The following NFIB variants were observed in gnomAD, a reference collection of about 807,000 sequenced individuals.
NFIB encodes nuclear factor I B, also known as nuclear factor 1 B-type.
NFIB carries 11 observed loss-of-function variants against 61.5 expected under a neutral mutation model. The ratio of observed to expected loss-of-function variants is 0.18; its 90% confidence interval spans 0.11 to 0.30. The LOEUF is 0.30. Ranked by LOEUF, NFIB falls within the 10% of genes least tolerant of loss-of-function variation. The probability of loss-of-function intolerance (pLI) is 1.00; values close to 1 mark genes in which losing one functional copy is unlikely to be tolerated. For synonymous variants in NFIB, 260 were observed against 216.5 expected (o/e 1.20, Z -1.76); for missense variants, 471 against 608.9 (o/e 0.77, Z 2.38).
intron 10 of NFIB, chr9:14,094,583 A>G (rs2034492252): frequency 6.6e-6 from 1 of 152,460 alleles, no homozygotes; most frequent in African/African-American, 2.4e-5. Context: ...GATGATTCCT[A>G]ATGATTATTA....
In NFIB at chr9:14,120,545, G is replaced by T; in HGVS notation, c.1140C>A (p.Ser380Arg). The change falls in exon 8 of 11, where the codon AGC becomes AGA. Residue 380 changes from serine (S) to arginine (R), a missense_variant. Around this residue, in one of 2 missense-constraint regions of NFIB, gnomAD observed 372 missense variants for 395.6 expected, o/e 0.94. Transcript: ENST00000380953. The surrounding 1 kb of genome is among the most constrained non-coding windows in gnomAD (Gnocchi z 4.4). ...TQAILPPAPS[S>R]YFSHPTIRYP... ...ATCTGATTGTTGGATGAGAAAAGTA[G>T]CTCGATGGGGCTGGAGGAAGGATAG... 6.2e-7 allele frequency: 1 copy of T among 1,614,092 alleles called. No homozygotes were observed. The highest frequency in any genetic ancestry group is 8.5e-7 in the Non-Finnish European group (1 of 1,179,996).
chr9:14,420,952 A>T, the NFIB span, among the ~76,000 whole-genome samples: 3 of 148,296 alleles, frequency 2.0e-5, no homozygotes, highest in African/African-American at 2.5e-5. Context: ...AGAGTAAGCC[A>T]TTTTTTTTTT....
intron 2 of NFIB, among the ~76,000 whole-genome samples, chr9:14,265,693 C>A (rs967947044): frequency 2.0e-5 from 3 of 152,290 alleles, no homozygotes; most frequent in Non-Finnish European, 2.9e-5. Flanking sequence ...CATTCCTCTC[C>A]CTTCTAGGAT....
At chr9:14,233,275 T>C (rs1038220521) in intron 2 of NFIB, among the ~76,000 whole-genome samples, 4 of 152,120 alleles carry the variant, frequency 2.6e-5, no homozygotes, top group African/African-American at 7.2e-5. Context: ...TATCCCTTCA[T>C]GAGAAACTGG....
chr9:14,459,122 C>CTGTTTTG, the NFIB span, among the ~76,000 whole-genome samples: 6,500 of 152,094 alleles, frequency 0.043, 193 homozygotes, highest in South Asian at 0.14. Context: ...AACTATACTA[C>CTGTTTTG]AAGGTTACAG....
At chr9:14,435,704 A>G in the NFIB span, among the ~76,000 whole-genome samples, 2 of 152,244 alleles carry the variant, frequency 1.3e-5, no homozygotes, top group African/African-American at 2.4e-5. Flanking sequence ...GTCACTCTAA[A>G]ACAAAATGTG....
chr9:14,204,207 T>G (rs1489524191), intron 2 of NFIB: 2 of 536,182 alleles, frequency 3.7e-6, no homozygotes, highest in African/African-American at 1.9e-5. Context: ...GCCTCAAAAT[T>G]TGAGGAATGA....
chr9:14,102,445 A>G (rs2035920397), intron 10 of NFIB: 1 of 1,550,248 alleles, frequency 6.5e-7, no homozygotes, highest in Non-Finnish European at 8.7e-7. Context: ...TTCCCAATGT[A>G]TCCTCACTGG....
intron 2 of NFIB, among the ~76,000 whole-genome samples, chr9:14,225,249 AAAAAAATATAT>A (rs1341460977): frequency 1.3e-5 from 2 of 151,926 alleles, no homozygotes; most frequent in Non-Finnish European, 2.9e-5. Context: ...AGAATGCTAT[AAAAAAATATAT>A]AAATCCCATT....
At chr9:14,106,682 T>G (rs915146998) in intron 10 of NFIB, among the ~76,000 whole-genome samples, 8 of 152,084 alleles carry the variant, frequency 5.3e-5, no homozygotes, top group Non-Finnish European at 1.0e-4. Context: ...ACTCAAATAA[T>G]CATGTAAGTA....
intron 6 of NFIB, 81 bp from the exon 7 acceptor site, chr9:14,125,847 C>T: frequency 6.5e-7 from 1 of 1,537,306 alleles, no homozygotes; most frequent in South Asian, 1.3e-5. Context: ...CAGATCTCAT[C>T]TTGCAACATT....
At chr9:14,378,027 G>A (rs2061440203) in intron 1 of NFIB, among the ~76,000 whole-genome samples, 1 of 152,142 alleles carries the variant, frequency 6.6e-6, no homozygotes, top group South Asian at 2.1e-4. Context: ...AACTAGCTAG[G>A]ATCAGCTGAA....
At position 14,313,530 on chromosome 9, in the gene NFIB, A is replaced by G. The variant is rs1488989560; in HGVS notation, c.-19T>C. 1.9e-6 allele frequency: 3 copies of G among 1,613,532 alleles called. No homozygotes were observed. Among genetic ancestry groups the G allele is most frequent in the African/African-American group, 1.3e-5 (1 of 74,918 alleles). ...ACATCATGACTTCGCCTTAAAACGC[A>G]CTTTCCGGGAGATGCCCAAGAAAAT... On this transcript the variant is annotated 5_prime_UTR_variant, in exon 1 of 11. Transcript: ENST00000380953. This position sits in a 1 kb window ranked among gnomAD's most constrained non-coding sequence, Gnocchi z 4.5.
the NFIB span, among the ~76,000 whole-genome samples, chr9:14,490,405 A>G: frequency 2.6e-5 from 4 of 152,318 alleles, no homozygotes; most frequent in African/African-American, 9.6e-5. Flanking sequence ...CTCGAAGTAG[A>G]AAAACATTTC....
Position 14,084,944 on chromosome 9 carries a change from G to A in NFIB, c.*3365C>T. The A allele has an allele frequency of 4.3e-6, 1 of 230,470 alleles. No individual in the cohort carries two copies. Among genetic ancestry groups the A allele is most frequent in the Non-Finnish European group, 8.6e-6 (1 of 116,056 alleles). The allele number at this position is 230,470 out of a possible 1,614,324, so 14.3% of individuals were successfully genotyped here. A position where few individuals can be genotyped will look rare whatever the true frequency, so the allele number is the denominator to read the frequency against. ...AGGAATACCCACAGTGTGTAACTTGGTTAGCTAGAACTGCTCACTGGCAAA... is the reference window on the plus strand; with the variant it reads ...AGGAATACCCACAGTGTGTAACTTGATTAGCTAGAACTGCTCACTGGCAAA... On this transcript the variant is annotated 3_prime_UTR_variant, in exon 11 of 11. Transcript: ENST00000380953.
At chr9:14,217,676 A>AAAAAAAAAAAAAAAAAAAAC (rs2051098717) in intron 2 of NFIB, among the ~76,000 whole-genome samples, 2 of 151,350 alleles carry the variant, frequency 1.3e-5, no homozygotes, top group Admixed American at 6.6e-5. Flanking sequence ...AAAAAAAAAA[A>AAAAAAAAAAAAAAAAAAAAC]AAAAAGACAC....
chr9:14,187,477 C>T (rs761872020), intron 2 of NFIB, among the ~76,000 whole-genome samples: 11 of 152,022 alleles, frequency 7.2e-5, no homozygotes, highest in Non-Finnish European at 1.3e-4. Flanking sequence ...TTTAGCAAAA[C>T]GCATAGTTTA....
At chr9:14,243,894 G>T (rs1269365188) in intron 2 of NFIB, among the ~76,000 whole-genome samples, 1 of 152,154 alleles carries the variant, frequency 6.6e-6, no homozygotes, top group Non-Finnish European at 1.5e-5. Flanking sequence ...CACAGATATG[G>T]CTGCAACTGC....
At chr9:14,295,536 C>T (rs966878159) in intron 2 of NFIB, among the ~76,000 whole-genome samples, 27 of 152,230 alleles carry the variant, frequency 1.8e-4, no homozygotes, top group African/African-American at 6.5e-4. Flanking sequence ...CAAGCTGAGG[C>T]AGGAGAATGG....
Sources: allele counts gnomAD v4.1 joint callset (sites outside exome capture counted in the v4.1 genomes callset), GRCh38; gene constraint gnomAD v4.1.1; regional missense constraint gnomAD v4.1.1; non-coding constraint Gnocchi (gnomAD v3.1); transcripts MANE v1.5; gene names NCBI Gene and HGNC (gene_info 2026-07-23, HGNC 2026-07-21).